SGCZ: variants seen among roughly 807,000 people sequenced by gnomAD.
SGCZ encodes the protein zeta-sarcoglycan.
Under a neutral mutation model 41.3 loss-of-function variants are expected in SGCZ, and 40 were observed. That is an observed-to-expected ratio of 0.97 (90% CI 0.75 to 1.26). SGCZ has a LOEUF of 1.26. SGCZ is among the 50% of genes most tolerant of loss of function. The pLI, the probability that SGCZ is intolerant of heterozygous loss-of-function variation, is 0.00. For missense variants in SGCZ, 552 were observed against 369.8 expected (o/e 1.49, Z -4.04); for synonymous variants, 206 against 137.5 (o/e 1.50, Z -3.49).
intron 1 of SGCZ, among the ~76,000 whole-genome samples, chr8:15,089,438 T>G (rs1007818353): frequency 6.6e-6 from 1 of 152,152 alleles, no homozygotes; most frequent in East Asian, 1.9e-4. Flanking sequence ...TGAAGGCTGC[T>G]GTACAGTAGC....
chr8:14,164,699 G>A lies in SGCZ; in HGVS notation c.428C>T (p.Ala143Val). The A allele has an allele frequency of 6.2e-7, 1 of 1,613,388 alleles. No homozygotes were observed. The highest frequency in any genetic ancestry group is 1.1e-5 in the South Asian group (1 of 91,062). The part of the protein sequence containing the change: ...GQLTGQLTIG[A>V]DAVEAQCKRF... ...TTTACACTGAGCTTCCACAGCATCA[G>A]CTCCTATGGTCAGAGGAAAGGTTTA... Residue 143 changes from alanine (A) to valine (V), a missense_variant, in exon 5 of 8, where the codon GCT (alanine) becomes GTT (valine). Ala to Val is a moderately conservative substitution (Grantham distance 64). Coordinates refer to ENST00000382080, the MANE Select transcript of SGCZ (RefSeq NM_139167.4).
chr8:14,938,120 G>A (rs1174237485), intron 1 of SGCZ, among the ~76,000 whole-genome samples: 1 of 151,934 alleles, frequency 6.6e-6, no homozygotes, highest in Non-Finnish European at 1.5e-5. Flanking sequence ...ATGTTTTTTG[G>A]TGTTGTTCAC....
intron 1 of SGCZ, among the ~76,000 whole-genome samples, chr8:15,197,301 C>T (rs867637498): frequency 2.6e-5 from 4 of 152,120 alleles, no homozygotes; most frequent in African/African-American, 9.7e-5. Context: ...TTAACAATTT[C>T]TTTTTTCTCT....
intron 1 of SGCZ, among the ~76,000 whole-genome samples, chr8:14,597,443 C>T (rs559646850): frequency 5.6e-4 from 85 of 152,186 alleles, no homozygotes; most frequent in African/African-American, 1.9e-3. Context: ...GAAAACCGTC[C>T]AGGAAAATGC....
intron 4 of SGCZ, among the ~76,000 whole-genome samples, chr8:14,200,774 G>A (rs1255945452): frequency 6.6e-6 from 1 of 152,128 alleles, no homozygotes; most frequent in Non-Finnish European, 1.5e-5. Flanking sequence ...CCCAAAGTAT[G>A]ATGCATTCTA....
chr8:14,342,113 G>T (rs552335492), intron 2 of SGCZ, among the ~76,000 whole-genome samples: 1 of 152,078 alleles, frequency 6.6e-6, no homozygotes. Flanking sequence ...GAATGGCTTT[G>T]CCCAAATGCT....
chr8:14,726,341 T>TATAA (rs1426005706), intron 1 of SGCZ, among the ~76,000 whole-genome samples: 3 of 144,532 alleles, frequency 2.1e-5, no homozygotes, highest in Admixed American at 1.4e-4. Flanking sequence ...TATATATATA[T>TATAA]AAAATTAGAT....
At chr8:14,746,760 G>T (rs1799349322) in intron 1 of SGCZ, among the ~76,000 whole-genome samples, 1 of 152,132 alleles carries the variant, frequency 6.6e-6, no homozygotes, top group East Asian at 1.9e-4. Flanking sequence ...GAACATTGGG[G>T]TTTTTTGTGT....
intron 1 of SGCZ, among the ~76,000 whole-genome samples, chr8:14,703,751 T>C (rs1376421132): frequency 6.6e-6 from 1 of 151,998 alleles, no homozygotes; most frequent in Non-Finnish European, 1.5e-5. Flanking sequence ...GGTCTCTTAA[T>C]AACACTAAGT....
chr8:14,223,456 T>C (rs1382879166), intron 4 of SGCZ, among the ~76,000 whole-genome samples: 2 of 152,200 alleles, frequency 1.3e-5, no homozygotes, highest in Non-Finnish European at 2.9e-5. Flanking sequence ...TCAATGAATA[T>C]TGATGTAAAG....
intron 2 of SGCZ, among the ~76,000 whole-genome samples, chr8:14,516,995 C>G (rs1802641016): frequency 6.6e-6 from 1 of 151,918 alleles, no homozygotes; most frequent in Admixed American, 6.6e-5. Context: ...AAGGGTGGAG[C>G]CAGGAACCAG....
chr8:14,953,553 C>A (rs1800707458), intron 1 of SGCZ, among the ~76,000 whole-genome samples: 1 of 152,098 alleles, frequency 6.6e-6, no homozygotes. Flanking sequence ...ACTGCCGTAG[C>A]CATGGAAACA....
chr8:14,481,650 G>A (rs947765527), intron 2 of SGCZ, among the ~76,000 whole-genome samples: 1 of 151,990 alleles, frequency 6.6e-6, no homozygotes, highest in East Asian at 1.9e-4. Flanking sequence ...TAAAGTGGAA[G>A]GGAGTTTTTT....
chr8:15,157,447 AT>A (rs200518066), intron 1 of SGCZ, among the ~76,000 whole-genome samples: 1 of 151,534 alleles, frequency 6.6e-6, no homozygotes, highest in African/African-American at 2.4e-5. Context: ...GTAGCCCGTA[AT>A]TTTTTTCATT....
At chr8:14,452,582 T>G (rs2116930051) in intron 2 of SGCZ, among the ~76,000 whole-genome samples, 1 of 152,178 alleles carries the variant, frequency 6.6e-6, no homozygotes, top group Non-Finnish European at 1.5e-5. Flanking sequence ...TTAAAGATGG[T>G]TTGTAAACAC....
intron 2 of SGCZ, among the ~76,000 whole-genome samples, chr8:14,429,389 A>T (rs1054017045): frequency 1.3e-5 from 2 of 152,188 alleles, no homozygotes; most frequent in Non-Finnish European, 2.9e-5. Flanking sequence ...AGCTAGGGCA[A>T]AGTCACAAAC....
intron 1 of SGCZ, among the ~76,000 whole-genome samples, chr8:15,167,205 T>C (rs550910365): frequency 6.6e-6 from 1 of 152,198 alleles, no homozygotes; most frequent in Admixed American, 6.5e-5. Flanking sequence ...GCAATAAGAA[T>C]CCATTTTTCT....
chr8:14,182,213 C>G (rs1376759087), intron 4 of SGCZ, among the ~76,000 whole-genome samples: 1 of 152,076 alleles, frequency 6.6e-6, no homozygotes, highest in Non-Finnish European at 1.5e-5. Context: ...TGTAGTGCTA[C>G]AGATTCCACA....
At chr8:14,334,176 A>T (rs1266493537) in intron 2 of SGCZ, among the ~76,000 whole-genome samples, 1 of 152,058 alleles carries the variant, frequency 6.6e-6, no homozygotes, top group East Asian at 1.9e-4. Context: ...GGGGTAGGGT[A>T]CCCTACCAAA....
Sources: allele counts gnomAD v4.1 joint callset (sites outside exome capture counted in the v4.1 genomes callset), GRCh38; gene constraint gnomAD v4.1.1; transcripts MANE v1.5; gene names NCBI Gene and HGNC (gene_info 2026-07-23, HGNC 2026-07-21).